Variants in UPF2 observed in about 807,000 individuals in gnomAD.
The protein encoded by UPF2 is UPF2 regulator of nonsense mediated mRNA decay.
In UPF2, 17 loss-of-function variants were observed where a neutral mutation model predicts 141.4. That is an observed-to-expected ratio of 0.12 (90% CI 0.08 to 0.18). UPF2 has a LOEUF of 0.18. Among genes scored for constraint, UPF2 ranks in the 10% least tolerant of loss-of-function variants. The pLI is 1.00. For synonymous variants in UPF2, 540 were observed against 498.0 expected (o/e 1.08, Z -1.12); for missense variants, 1,152 against 1,515.9 (o/e 0.76, Z 3.99).
chr10:11,942,023 T>C (rs995716355), intron 18 of UPF2, among the ~76,000 whole-genome samples: 9 of 152,312 alleles, frequency 5.9e-5, no homozygotes, highest in African/African-American at 2.2e-4. Context: ...TGACCCCAAA[T>C]GTCTATCTTC....
At chr10:12,004,850 T>G (rs1834009744) in intron 4 of UPF2, 123 bp from the exon 5 acceptor site, 1 of 891,168 alleles carries the variant, frequency 1.1e-6, no homozygotes, top group Non-Finnish European at 1.6e-6. Flanking sequence ...GACAGGAACT[T>G]CTTCAATTAA....
chr10:12,008,072 G>A (rs1262759350), intron 4 of UPF2, among the ~76,000 whole-genome samples: 1 of 151,552 alleles, frequency 6.6e-6, no homozygotes, highest in Non-Finnish European at 1.5e-5. Context: ...TTGTAGGGAT[G>A]GGGTTTCACC....
At chr10:12,024,940 A>AAC in intron 3 of UPF2, among the ~76,000 whole-genome samples, 1 of 146,624 alleles carries the variant, frequency 6.8e-6, no homozygotes, top group African/African-American at 2.5e-5. Context: ...ACAAAAAAAA[A>AAC]AAAAAAAAAA....
At position 11,931,173 on chromosome 10, in the gene UPF2, C is replaced by T. The variant is rs1256940979; in HGVS notation, c.3688+468G>A. 6.6e-6 allele frequency among the ~76,000 whole-genome samples: 1 copy of T among 152,190 alleles called. No individual in the cohort carries two copies. Among genetic ancestry groups the T allele is most frequent in the Non-Finnish European group, 1.5e-5 (1 of 68,038 alleles). ...ACCATGTTCCAGACAATGACAGACA[C>T]CTATACAATGGTGGTCCCATCAGTT... On this transcript the variant is annotated intron_variant, in intron 20 of 21. Coordinates refer to ENST00000357604, the MANE Select transcript of UPF2 (RefSeq NM_015542.4). The surrounding 1 kb of genome is among the most constrained non-coding windows in gnomAD (Gnocchi z 5.9).
intron 8 of UPF2, among the ~76,000 whole-genome samples, chr10:11,982,036 TA>T (rs34301046): frequency 9.8e-4 from 146 of 148,782 alleles, no homozygotes; most frequent in African/African-American, 2.9e-3. Flanking sequence ...TTCCTACTAT[TA>T]AAAAAAAAAA....
At chr10:11,962,480 C>T (rs1010153756) in intron 11 of UPF2, among the ~76,000 whole-genome samples, 6 of 152,110 alleles carry the variant, frequency 3.9e-5, no homozygotes, top group Non-Finnish European at 1.5e-5. Flanking sequence ...CTCCTCAGTT[C>T]TACCTCCTAA....
intron 15 of UPF2, among the ~76,000 whole-genome samples, chr10:11,950,947 A>G (rs945419698): frequency 1.3e-5 from 2 of 152,362 alleles, no homozygotes; most frequent in Admixed American, 6.5e-5. Flanking sequence ...GTAAATTTAT[A>G]TAATTTGCAT....
rs1429466449 is a variant in UPF2, at chr10:12,019,132, C to T, written c.1146-4948G>A. Among the ~76,000 whole-genome samples, 1 of 152,140 alleles carries T rather than the reference C, an allele frequency of 6.6e-6. No homozygotes were observed. The highest frequency in any genetic ancestry group is 1.5e-5 in the Non-Finnish European group (1 of 68,030). ...TACATAAAGCTGAATTTAAGCCATT[C>T]TTTTGAGAATGTCATAAAGTAGAGG... On this transcript the variant is annotated intron_variant, in intron 3 of 21. Coordinates refer to ENST00000357604, the MANE Select transcript of UPF2 (RefSeq NM_015542.4). This position sits in a 1 kb window ranked among gnomAD's most constrained non-coding sequence, Gnocchi z 4.5.
At position 11,935,096 on chromosome 10, in the gene UPF2, G is replaced by A. The variant is rs184669038; in HGVS notation, c.3546+1449C>T. Among the ~76,000 whole-genome samples, 117 of 152,178 alleles carry A rather than the reference G, an allele frequency of 7.7e-4. 1 individual carries two copies. The highest frequency in any genetic ancestry group is 7.6e-3 in the Admixed American group (116 of 15,290). The stretch of plus-strand genomic sequence containing the variant: ...ATCATCTGTTTGAGGCTGTGCTAGT[G>A]GGGAGGACATCTCAGATGCAACTTA... On this transcript the variant is annotated intron_variant, in intron 19 of 21. Transcript: ENST00000357604. This position sits in a 1 kb window ranked among gnomAD's most constrained non-coding sequence, Gnocchi z 4.9.
chr10:12,033,584 C>A (rs1032481543), intron 2 of UPF2, among the ~76,000 whole-genome samples: 1 of 151,710 alleles, frequency 6.6e-6, no homozygotes, highest in East Asian at 1.9e-4. Flanking sequence ...TAAGACAGTA[C>A]CAATGAAGTT....
Position 12,004,660 on chromosome 10 carries a change from T to C in UPF2, c.1374A>G (p.Ile458Met), listed in dbSNP as rs373663593. 16 of 1,613,894 alleles carry C rather than the reference T, an allele frequency of 9.9e-6. No individual in the cohort carries two copies. The East Asian group carries it at 1.8e-4, about 18-fold the overall frequency. ...AATTCCGAGCATCTTCATCTTCCCA[T>C]ATACCACCTTCCAAGTCATATTCTC... ...KPGEYDLEGG[I>M]WEDEDARNFY... The change falls in exon 5 of 22, where the codon ATA (isoleucine) becomes ATG (methionine). Residue 458 changes from isoleucine to methionine, a missense_variant. Ile to Met is a conservative substitution (Grantham distance 10). Transcript: ENST00000357604.
chr10:12,039,770 G>A (rs936734305), intron 1 of UPF2, among the ~76,000 whole-genome samples: 2 of 151,920 alleles, frequency 1.3e-5, no homozygotes, highest in South Asian at 2.1e-4. Flanking sequence ...ACAGGCATGT[G>A]CCACCATGCC....
intron 1 of UPF2, among the ~76,000 whole-genome samples, chr10:12,037,458 T>C (rs1701477): frequency 0.98 from 144,617 of 147,980 alleles, 70,770 homozygotes; most frequent in East Asian, 1. Context: ...TGCAGTGGTG[T>C]GATCTCGGCT....
At chr10:12,041,891 C>CT (rs1351161234) in intron 1 of UPF2, among the ~76,000 whole-genome samples, 1 of 152,112 alleles carries the variant, frequency 6.6e-6, no homozygotes, top group Non-Finnish European at 1.5e-5. Flanking sequence ...CGTGTAAGTC[C>CT]TCTAAGATGA....
At chr10:11,962,453 A>G (rs773761394) in intron 11 of UPF2, among the ~76,000 whole-genome samples, 1 of 151,918 alleles carries the variant, frequency 6.6e-6, no homozygotes, top group African/African-American at 2.4e-5. Context: ...CTCATCCCTT[A>G]TATCTCACCA....
intron 3 of UPF2, among the ~76,000 whole-genome samples, chr10:12,022,938 T>TGA (rs1230824690): frequency 6.6e-6 from 1 of 152,176 alleles, no homozygotes; most frequent in Non-Finnish European, 1.5e-5. Flanking sequence ...AACTCACTGC[T>TGA]GTTAGACTAA....
At chr10:11,948,609 A>ATT in intron 15 of UPF2, 101 bp from the exon 16 acceptor site, 1 of 1,304,180 alleles carries the variant, frequency 7.7e-7, no homozygotes, top group East Asian at 2.3e-5. Context: ...TTAAGAATTC[A>ATT]ACAGCCATTT....
intron 1 of UPF2, among the ~76,000 whole-genome samples, chr10:12,037,909 T>G (rs1024649846): frequency 6.6e-6 from 1 of 152,190 alleles, no homozygotes; most frequent in Admixed American, 6.6e-5. Context: ...TGCAGGTACA[T>G]GCCACAGCCT....
rs2131286521 is a variant in UPF2, at chr10:12,014,725, A to G, written c.1146-541T>C. Among the ~76,000 whole-genome samples, 1 of 152,362 alleles carries G rather than the reference A, an allele frequency of 6.6e-6. No homozygotes were observed. Among genetic ancestry groups the G allele is most frequent in the African/African-American group, 2.4e-5 (1 of 41,590 alleles). ...AACACAACTACACAACTCAGTTTTC[A>G]AAACCAACAGATTTTGAATAGGTTC... On this transcript the variant is annotated intron_variant, in intron 3 of 21. Transcript: ENST00000357604. The surrounding 1 kb of genome is among the most constrained non-coding windows in gnomAD (Gnocchi z 5.0).
Sources: gnomAD v4.1 joint callset for allele counts (sites outside exome capture counted in the v4.1 genomes callset) on GRCh38, gnomAD v4.1.1 for gene constraint, Gnocchi (gnomAD v3.1) non-coding constraint, MANE v1.5 for transcripts, NCBI Gene and HGNC (gene_info 2026-07-23, HGNC 2026-07-21) for gene names.